Variants in TLK2 observed in about 807,000 individuals in gnomAD.
TLK2 encodes the protein serine/threonine-protein kinase tousled-like 2.
Under a neutral mutation model 117.3 loss-of-function variants are expected in TLK2, and 6 were observed. That is an observed-to-expected ratio of 0.05 (90% CI 0.03 to 0.10). The LOEUF (loss-of-function observed/expected upper bound fraction) is 0.10. TLK2 is among the 10% of genes least tolerant of loss of function. TLK2 has a pLI of 1.00. For synonymous variants in TLK2, 257 were observed against 316.7 expected (o/e 0.81, Z 2.00); for missense variants, 299 against 901.2 (o/e 0.33, Z 8.56).
At chr17:62,577,061 C>T (rs765855565) in intron 13 of TLK2, among the ~76,000 whole-genome samples, 3 of 151,526 alleles carry the variant, frequency 2.0e-5, no homozygotes, top group Non-Finnish European at 2.9e-5. Flanking sequence ...CTCCCGGGCT[C>T]AAGCGATTCT....
At position 62,506,238 on chromosome 17, in the gene TLK2, C is replaced by T. The variant is rs905192709; in HGVS notation, c.82-14535C>T. On this transcript the variant is annotated intron_variant, in intron 2 of 21. Coordinates refer to ENST00000346027, the MANE Select transcript of TLK2 (RefSeq NM_006852.6). ...GGTGGAAAGCTCTCCCAACTGTCTT[C>T]TCCAGACAGATAGGTAGAACCTGGA... is the stretch of plus-strand genomic sequence containing the variant. Among the ~76,000 whole-genome samples, 11 of 152,188 alleles carry T rather than the reference C, an allele frequency of 7.2e-5. No homozygotes were observed. The South Asian group carries it at 1.2e-3, about 17-fold the overall frequency.
chr17:62,533,225 ATCTTG>A (rs1280370929), intron 6 of TLK2, among the ~76,000 whole-genome samples: 1 of 151,658 alleles, frequency 6.6e-6, no homozygotes, highest in African/African-American at 2.4e-5. Context: ...CTTGTTTGTA[ATCTTG>A]TCTTTTAACT....
intron 2 of TLK2, chr17:62,516,675 C>T (rs1236048863): frequency 1.2e-6 from 2 of 1,609,638 alleles, no homozygotes; most frequent in African/African-American, 2.7e-5. Context: ...GCTCCGGGTG[C>T]TTAGGCATGT....
intron 9 of TLK2, among the ~76,000 whole-genome samples, chr17:62,559,058 G>A (rs1378344894): frequency 2.0e-5 from 3 of 152,004 alleles, no homozygotes; most frequent in Non-Finnish European, 4.4e-5. Context: ...AGTCAAATTC[G>A]TCCTTGGGTT....
At chr17:62,544,369 A>G (rs1160084343) in intron 7 of TLK2, among the ~76,000 whole-genome samples, 2 of 152,310 alleles carry the variant, frequency 1.3e-5, no homozygotes, top group African/African-American at 4.8e-5. Flanking sequence ...CTTCTCAGGA[A>G]AGAGAATGAG....
chr17:62,540,339 A>G (rs1598453978), intron 7 of TLK2, among the ~76,000 whole-genome samples: 1 of 135,206 alleles, frequency 7.4e-6, no homozygotes, highest in African/African-American at 2.7e-5. Flanking sequence ...TTTTTATATT[A>G]TATGCCAAAT....
intron 15 of TLK2, chr17:62,585,889 A>G (rs2081574777): frequency 3.0e-6 from 1 of 333,952 alleles, no homozygotes. Flanking sequence ...GGCAGGGGCT[A>G]TCTTTCTGTT....
At chr17:62,567,961 T>A (rs2055241960) in intron 11 of TLK2, among the ~76,000 whole-genome samples, 1 of 152,170 alleles carries the variant, frequency 6.6e-6, no homozygotes. Flanking sequence ...CCACAGTATG[T>A]TTGAATCTTT....
At chr17:62,503,380 A>C (rs1408275691) in intron 2 of TLK2, among the ~76,000 whole-genome samples, 1 of 145,646 alleles carries the variant, frequency 6.9e-6, no homozygotes, top group African/African-American at 2.5e-5. Flanking sequence ...TTTTATTTAG[A>C]TGAGTGGTTC....
At chr17:62,562,555 G>A (rs1056543761) in intron 10 of TLK2, among the ~76,000 whole-genome samples, 3 of 152,096 alleles carry the variant, frequency 2.0e-5, no homozygotes, top group Non-Finnish European at 2.9e-5. Flanking sequence ...AGCATGAAAA[G>A]ATGTTTAATG....
Position 62,576,777 on chromosome 17 carries a change from T to C in TLK2, c.1188+2T>C. The C allele has an allele frequency of 6.2e-7, 1 of 1,606,860 alleles. No individual in the cohort carries two copies. The highest frequency in any genetic ancestry group is 1.1e-5 in the South Asian group (1 of 90,848). On this transcript the variant is annotated splice_donor_variant, in intron 13 of 21. Coordinates refer to ENST00000346027, the MANE Select transcript of TLK2 (RefSeq NM_006852.6). LOFTEE classifies it high-confidence loss of function. ...CTCAGATTAGGTCATCTTAAAAAGG[T>C]AAGTATAATGAGAAAATCTCCCTGG...
chr17:62,519,552 G>A (rs1186861896), intron 2 of TLK2, among the ~76,000 whole-genome samples: 1 of 152,124 alleles, frequency 6.6e-6, no homozygotes, highest in East Asian at 1.9e-4. Context: ...GGTGGCTCAC[G>A]TCTTTAATCT....
intron 2 of TLK2, among the ~76,000 whole-genome samples, chr17:62,486,928 A>T (rs193118523): frequency 7.9e-5 from 12 of 152,262 alleles, no homozygotes; most frequent in Admixed American, 7.2e-4. Context: ...AGCCATGTCA[A>T]TGATCATTTT....
intron 2 of TLK2, among the ~76,000 whole-genome samples, chr17:62,512,213 CTTTTTTT>C (rs35913164): frequency 7.4e-5 from 3 of 40,644 alleles, no homozygotes; most frequent in African/African-American, 2.8e-4. Context: ...ATCACCCCTC[CTTTTTTT>C]TTTTTTTTTT....
intron 19 of TLK2, among the ~76,000 whole-genome samples, chr17:62,602,700 T>C (rs1024487810): frequency 8.5e-5 from 13 of 152,306 alleles, no homozygotes; most frequent in Admixed American, 5.9e-4. Flanking sequence ...TCCATGTCTG[T>C]TAGCCATGAT....
intron 7 of TLK2, among the ~76,000 whole-genome samples, chr17:62,537,946 T>C (rs1211955654): frequency 6.6e-6 from 1 of 152,088 alleles, no homozygotes; most frequent in Non-Finnish European, 1.5e-5. Context: ...CAGTATGCTA[T>C]AGTATTGTTC....
In TLK2 at chr17:62,539,154, T is replaced by G. The variant is rs1198331237; in HGVS notation, c.531+2817T>G. The stretch of plus-strand genomic sequence containing the variant: ...TTGGTAATGTATCTCAATGTTAAGT[T>G]TACATATCCTTGGGTCCAGAAATTC... On this transcript the variant is annotated intron_variant, in intron 7 of 21. Coordinates refer to ENST00000346027, the MANE Select transcript of TLK2 (RefSeq NM_006852.6). Among the ~76,000 whole-genome samples the G allele has an allele frequency of 2.6e-5, 4 of 152,272 alleles. No individual in the cohort carries two copies. The East Asian group carries it at 7.7e-4, about 29-fold the overall frequency.
At chr17:62,552,617 G>A (rs181034707) in intron 8 of TLK2, among the ~76,000 whole-genome samples, 311 of 151,014 alleles carry the variant, frequency 2.1e-3, no homozygotes, top group African/African-American at 7.3e-3. Context: ...GTGTATTGTA[G>A]CAGAAATGCT....
At chr17:62,558,325 G>A (rs1483053299) in intron 9 of TLK2, among the ~76,000 whole-genome samples, 2 of 151,998 alleles carry the variant, frequency 1.3e-5, no homozygotes, top group African/African-American at 4.8e-5. Flanking sequence ...ACCACACATG[G>A]CTAATTTTCA....
Sources: allele counts gnomAD v4.1 joint callset (sites outside exome capture counted in the v4.1 genomes callset), GRCh38; gene constraint gnomAD v4.1.1; transcripts MANE v1.5; gene names NCBI Gene and HGNC (gene_info 2026-07-23, HGNC 2026-07-21).